Variants in ZNF385B observed in about 807,000 individuals in gnomAD.
The protein encoded by ZNF385B is zinc finger protein 385B.
In ZNF385B, 23 loss-of-function variants were observed where a neutral mutation model predicts 39.2. The observed-to-expected ratio is 0.59, with a 90% CI of 0.42 to 0.83. The LOEUF (loss-of-function observed/expected upper bound fraction) is 0.83. ZNF385B is among the 40% of genes least tolerant of loss of function. The pLI, the probability that ZNF385B is intolerant of heterozygous loss-of-function variation, is 0.00. For synonymous variants in ZNF385B, 205 were observed against 222.6 expected (o/e 0.92, Z 0.70); for missense variants, 552 against 598.9 (o/e 0.92, Z 0.82).
At chr2:179,677,016 G>A (rs16866917) in intron 3 of ZNF385B, among the ~76,000 whole-genome samples, 7,474 of 152,176 alleles carry the variant, frequency 0.049, 235 homozygotes, top group African/African-American at 0.08. Flanking sequence ...GTCAGTAACC[G>A]CTTTAAGAAC....
intron 6 of ZNF385B, among the ~76,000 whole-genome samples, chr2:179,466,787 G>C (rs1033319519): frequency 6.6e-6 from 1 of 151,606 alleles, no homozygotes; most frequent in Non-Finnish European, 1.5e-5. Flanking sequence ...CAGGTATGGT[G>C]GCACACATCT....
chr2:179,522,823 A>G (rs558804433), intron 4 of ZNF385B: 21 of 382,690 alleles, frequency 5.5e-5, no homozygotes, highest in South Asian at 3.0e-4. Context: ...AATACTAAAG[A>G]TGCTTTTTTA....
At chr2:179,684,259 G>C (rs1697754997) in intron 3 of ZNF385B, among the ~76,000 whole-genome samples, 1 of 152,104 alleles carries the variant, frequency 6.6e-6, no homozygotes, top group Non-Finnish European at 1.5e-5. Flanking sequence ...AATAATTCCT[G>C]GACATATTTG....
intron 3 of ZNF385B, among the ~76,000 whole-genome samples, chr2:179,743,720 A>C (rs914860753): frequency 6.6e-6 from 1 of 152,186 alleles, no homozygotes; most frequent in Non-Finnish European, 1.5e-5. Context: ...TAAGGAAAGC[A>C]TTCTTAGCAC....
At chr2:179,443,541 A>T in intron 9 of ZNF385B, 73 bp from the exon 10 acceptor site, 1 of 1,171,550 alleles carries the variant, frequency 8.5e-7, no homozygotes, top group Non-Finnish European at 1.2e-6. Context: ...GCATCTTTTC[A>T]TAAGTAAAAC....
chr2:179,460,890 T>A (rs1036445526), intron 6 of ZNF385B, among the ~76,000 whole-genome samples: 2 of 152,204 alleles, frequency 1.3e-5, no homozygotes, highest in Non-Finnish European at 2.9e-5. Context: ...ATTACTCCCA[T>A]CCTCTCACTT....
intron 3 of ZNF385B, among the ~76,000 whole-genome samples, chr2:179,652,515 G>A (rs759375576): frequency 6.6e-6 from 1 of 152,018 alleles, no homozygotes; most frequent in Admixed American, 6.6e-5. Context: ...TCTTTAAACT[G>A]CTCGTCTGAG....
At chr2:179,768,460 T>C (rs1274772065) in intron 3 of ZNF385B, among the ~76,000 whole-genome samples, 2 of 152,126 alleles carry the variant, frequency 1.3e-5, no homozygotes, top group African/African-American at 2.4e-5. Context: ...GAGTAAAAAG[T>C]AGTTAGATTT....
At chr2:179,536,139 T>C (rs1445525380) in intron 4 of ZNF385B, among the ~76,000 whole-genome samples, 5 of 152,296 alleles carry the variant, frequency 3.3e-5, no homozygotes, top group East Asian at 1.9e-4. Flanking sequence ...CACAGAGACA[T>C]AAAGTTTTGG....
chr2:179,459,175 G>A (rs1383464580), intron 6 of ZNF385B, among the ~76,000 whole-genome samples: 9 of 152,120 alleles, frequency 5.9e-5, no homozygotes, highest in Non-Finnish European at 1.2e-4. Flanking sequence ...GGAGGTCTCT[G>A]ATTCCCTATA....
At chr2:179,493,313 T>C (rs2055443526) in intron 5 of ZNF385B, among the ~76,000 whole-genome samples, 1 of 151,918 alleles carries the variant, frequency 6.6e-6, no homozygotes, top group Non-Finnish European at 1.5e-5. Flanking sequence ...TATAGGCATA[T>C]GGCATGTATA....
intron 3 of ZNF385B, among the ~76,000 whole-genome samples, chr2:179,681,712 T>C (rs563050288): frequency 1.6e-3 from 238 of 152,114 alleles, no homozygotes; most frequent in African/African-American, 5.4e-3. Flanking sequence ...TAATTCAGAG[T>C]TTTATAAAAC....
intron 3 of ZNF385B, among the ~76,000 whole-genome samples, chr2:179,573,162 C>A (rs1014241431): frequency 6.6e-6 from 1 of 152,040 alleles, no homozygotes; most frequent in East Asian, 1.9e-4. Context: ...TTAGGAATGG[C>A]GAATTCATAT....
At chr2:179,805,858 C>A (rs1706316044) in intron 1 of ZNF385B, among the ~76,000 whole-genome samples, 1 of 152,152 alleles carries the variant, frequency 6.6e-6, no homozygotes, top group African/African-American at 2.4e-5. Flanking sequence ...ACACTGGAGT[C>A]CTACAATAAA....
At chr2:179,716,463 A>C (rs929829668) in intron 3 of ZNF385B, among the ~76,000 whole-genome samples, 2 of 152,182 alleles carry the variant, frequency 1.3e-5, no homozygotes, top group East Asian at 1.9e-4. Context: ...AATGCTTTAG[A>C]GGCACTAAAA....
At chr2:179,716,316 A>G (rs1700327734) in intron 3 of ZNF385B, among the ~76,000 whole-genome samples, 1 of 152,126 alleles carries the variant, frequency 6.6e-6, no homozygotes, top group African/African-American at 2.4e-5. Context: ...CATTCTTAAA[A>G]TCTCAGTTGT....
chr2:179,597,238 T>A (rs960503318), intron 3 of ZNF385B, among the ~76,000 whole-genome samples: 1 of 152,200 alleles, frequency 6.6e-6, no homozygotes, highest in Non-Finnish European at 1.5e-5. Flanking sequence ...GGTACCTAAT[T>A]TATATCTTCA....
chr2:179,712,506 C>A (rs1700069826), intron 3 of ZNF385B, among the ~76,000 whole-genome samples: 1 of 152,180 alleles, frequency 6.6e-6, no homozygotes, highest in South Asian at 2.1e-4. Flanking sequence ...TCATCTTCTT[C>A]TTCAATAGGC....
chr2:179,643,157 C>A (rs1183198777), intron 3 of ZNF385B, among the ~76,000 whole-genome samples: 1 of 150,872 alleles, frequency 6.6e-6, no homozygotes. Context: ...TTACAACATT[C>A]GGACTTTAAA....
Sources: allele counts gnomAD v4.1 joint callset (sites outside exome capture counted in the v4.1 genomes callset), GRCh38; gene constraint gnomAD v4.1.1; transcripts MANE v1.5; gene names NCBI Gene and HGNC (gene_info 2026-07-23, HGNC 2026-07-21).